RBMS1: variants seen among roughly 807,000 people sequenced by gnomAD.
The protein encoded by RBMS1 is RNA-binding motif, single-stranded-interacting protein 1.
RBMS1 carries 17 observed loss-of-function variants against 62.3 expected under a neutral mutation model. That is an observed-to-expected ratio of 0.27 (90% CI 0.19 to 0.41). The LOEUF is 0.41. Among genes scored for constraint, RBMS1 ranks in the 10% least tolerant of loss-of-function variants. The pLI, the probability that RBMS1 is intolerant of heterozygous loss-of-function variation, is 1.00. For missense variants in RBMS1, 334 were observed against 504.5 expected, an observed-to-expected ratio of 0.66 and a Z score of 3.24; for synonymous variants, 172 against 170.0, an observed-to-expected ratio of 1.01 and a Z score of -0.09.
At chr2:160,455,683 C>CTTTTT (rs67701380) in intron 1 of RBMS1, among the ~76,000 whole-genome samples, 1 of 127,206 alleles carries the variant, frequency 7.9e-6, no homozygotes, top group African/African-American at 3.0e-5. Flanking sequence ...CATTCCCAAG[C>CTTTTT]TTTTTTTTTT....
At chr2:160,389,637 GCAGTGAGCCAAGTTTGCACCACTGCATTC>G (rs1694753209) in intron 1 of RBMS1, among the ~76,000 whole-genome samples, 1 of 140,224 alleles carries the variant, frequency 7.1e-6, no homozygotes, top group Non-Finnish European at 1.5e-5. Context: ...GGTGGAGGTT[GCAGTGAGCCAAGTTTGCACCACTGCATTC>G]CAGCCTAGGC....
At chr2:160,439,655 C>T (rs1489074676) in intron 1 of RBMS1, among the ~76,000 whole-genome samples, 1 of 152,144 alleles carries the variant, frequency 6.6e-6, no homozygotes, top group Non-Finnish European at 1.5e-5. Context: ...GACGGGGTGG[C>T]GGCCGGGCAG....
chr2:160,324,390 TGTTAA>T (rs1192912530), intron 2 of RBMS1, among the ~76,000 whole-genome samples: 9 of 152,218 alleles, frequency 5.9e-5, no homozygotes, highest in Non-Finnish European at 8.8e-5. Context: ...CGACAATGGT[TGTTAA>T]GTTATTTTAA....
intron 2 of RBMS1, among the ~76,000 whole-genome samples, chr2:160,335,518 C>A (rs1691518111): frequency 6.6e-6 from 1 of 152,184 alleles, no homozygotes; most frequent in Non-Finnish European, 1.5e-5. Flanking sequence ...AAGACCAACT[C>A]GTTCCTGCTC....
intron 4 of RBMS1, among the ~76,000 whole-genome samples, chr2:160,306,809 T>C (rs779201757): frequency 6.6e-6 from 1 of 152,022 alleles, no homozygotes; most frequent in Non-Finnish European, 1.5e-5. Context: ...GAACAAGACA[T>C]ATAATGCATG....
chr2:160,436,001 G>T (rs1433549055), intron 1 of RBMS1, among the ~76,000 whole-genome samples: 1 of 152,144 alleles, frequency 6.6e-6, no homozygotes, highest in Non-Finnish European at 1.5e-5. Context: ...TATCAATAAA[G>T]GTTTCATGAT....
rs1196288143 is a variant in RBMS1, at chr2:160,272,985, G to T, written c.*1787C>A. 6.6e-6 allele frequency: 1 copy of T among 152,198 alleles called. No homozygotes were observed. The highest frequency in any genetic ancestry group is 1.5e-5 in the Non-Finnish European group (1 of 68,040). The allele number at this position is 152,198 out of a possible 1,614,324, so 9.4% of individuals were successfully genotyped here. A position where few individuals can be genotyped will look rare whatever the true frequency, so the allele number is the denominator to read the frequency against. On this transcript the variant is annotated 3_prime_UTR_variant, in exon 14 of 14. Coordinates refer to ENST00000348849, the MANE Select transcript of RBMS1 (RefSeq NM_016836.4). ...TGGAAACAGGGAGGGCCAGCAACCT[G>T]TCCCAGCACAAAAGAAAATAGACTC...
chr2:160,300,206 T>C (rs911662766), intron 6 of RBMS1, among the ~76,000 whole-genome samples: 1 of 152,134 alleles, frequency 6.6e-6, no homozygotes, highest in African/African-American at 2.4e-5. Flanking sequence ...ACCCATGAAG[T>C]GTGGTGTTCT....
intron 1 of RBMS1, among the ~76,000 whole-genome samples, chr2:160,471,709 AT>A (rs1559593830): frequency 3.2e-4 from 36 of 112,114 alleles, no homozygotes; most frequent in African/African-American, 9.6e-4. Context: ...ATATATATAT[AT>A]ATATATAACC....
At position 160,281,350 on chromosome 2, in the gene RBMS1, C is replaced by G; in HGVS notation, c.915G>C (p.Ser305=). 1 of 1,609,170 alleles carries G rather than the reference C, an allele frequency of 6.2e-7. No individual in the cohort carries two copies. The highest frequency in any genetic ancestry group is 8.5e-7 in the Non-Finnish European group (1 of 1,176,794). The change falls in exon 10 of 14, where the codon TCG becomes TCC. Residue 305 remains serine, a synonymous_variant. Coordinates refer to ENST00000348849, the MANE Select transcript of RBMS1 (RefSeq NM_016836.4). ...GAATATATGGTTGAGGTTGCATCCA[C>G]GAAGGACTTTGCACCTAGAAAAGGG... ...PVSAYQVQSP[S]WMQPQPYILQ...
At chr2:160,489,567 A>G (rs530033449) in intron 1 of RBMS1, among the ~76,000 whole-genome samples, 1 of 152,208 alleles carries the variant, frequency 6.6e-6, no homozygotes, top group East Asian at 1.9e-4. Context: ...ATGCAGAAAA[A>G]CTGCTTTGTT....
At chr2:160,387,323 G>A (rs1204540066) in intron 1 of RBMS1, among the ~76,000 whole-genome samples, 1 of 147,888 alleles carries the variant, frequency 6.8e-6, no homozygotes, top group Non-Finnish European at 1.5e-5. Context: ...TTTTTTTTTT[G>A]CAGTCTTCCC....
chr2:160,290,192 G>C (rs1425851162), intron 6 of RBMS1, among the ~76,000 whole-genome samples: 3 of 149,312 alleles, frequency 2.0e-5, no homozygotes, highest in Non-Finnish European at 4.4e-5. Flanking sequence ...TGAAGAATCA[G>C]GAGATCCTAT....
At chr2:160,451,095 G>A (rs1205905078) in intron 1 of RBMS1, among the ~76,000 whole-genome samples, 1 of 151,536 alleles carries the variant, frequency 6.6e-6, no homozygotes, top group African/African-American at 2.4e-5. Flanking sequence ...GTTTGAGGCT[G>A]CAGTGAGCTG....
At chr2:160,365,051 C>CG (rs1423889384) in intron 2 of RBMS1, among the ~76,000 whole-genome samples, 1 of 152,166 alleles carries the variant, frequency 6.6e-6, no homozygotes, top group Admixed American at 6.6e-5. Context: ...GTCCCTTCCT[C>CG]ATAAGGTTCT....
chr2:160,405,214 G>A (rs1047608948), intron 1 of RBMS1, among the ~76,000 whole-genome samples: 2 of 151,580 alleles, frequency 1.3e-5, no homozygotes, highest in Non-Finnish European at 1.5e-5. Flanking sequence ...AAACCATTAC[G>A]GTGTTTTTTC....
chr2:160,377,848 T>C (rs1300535594), intron 1 of RBMS1, among the ~76,000 whole-genome samples: 9 of 152,082 alleles, frequency 5.9e-5, no homozygotes, highest in African/African-American at 2.2e-4. Flanking sequence ...AAACCACATA[T>C]CCAAGGCCAT....
At chr2:160,322,424 T>C (rs1053428445) in intron 2 of RBMS1, among the ~76,000 whole-genome samples, 7 of 152,226 alleles carry the variant, frequency 4.6e-5, no homozygotes, top group African/African-American at 1.4e-4. Context: ...ACGTGGCTTA[T>C]GGTTGAAAGA....
At chr2:160,384,663 G>A (rs1694472403) in intron 1 of RBMS1, among the ~76,000 whole-genome samples, 1 of 152,228 alleles carries the variant, frequency 6.6e-6, no homozygotes, top group Admixed American at 6.5e-5. Context: ...TCTGTACAGT[G>A]AGGAGGAGGA....
Sources: allele counts gnomAD v4.1 joint callset (sites outside exome capture counted in the v4.1 genomes callset), GRCh38; gene constraint gnomAD v4.1.1; transcripts MANE v1.5; gene names NCBI Gene and HGNC (gene_info 2026-07-23, HGNC 2026-07-21).